The following DGKB variants were observed in gnomAD, a reference collection of about 807,000 sequenced individuals.
DGKB encodes the protein diacylglycerol kinase beta, also known as 90 kDa diacylglycerol kinase.
A neutral mutation model predicts 114.3 loss-of-function variants in DGKB; 67 were observed. The observed-to-expected ratio is 0.59, with a 90% CI of 0.48 to 0.72. The LOEUF (loss-of-function observed/expected upper bound fraction) is 0.72, where lower values mean the gene tolerates loss of function less well. Among genes scored for constraint, DGKB ranks in the 30% least tolerant of loss-of-function variants. The pLI, the probability that DGKB is intolerant of heterozygous loss-of-function variation, is 0.00. For missense variants in DGKB, 907 were observed against 975.2 expected, an observed-to-expected ratio of 0.93 and a Z score of 0.93; for synonymous variants, 398 against 323.1, an observed-to-expected ratio of 1.23 and a Z score of -2.49.
chr7:14,713,974 G>C lies in DGKB; in HGVS notation c.466+4568C>G, dbSNP rs138761871. On this transcript the variant is annotated intron_variant, in intron 6 of 25. Coordinates refer to ENST00000402815, the MANE Select transcript of DGKB (RefSeq NM_001350709.2). ...GTATTATTCAATATCTTAAATAGTT[G>C]ATGTTATTTTTATATTTTCAAGCAC... Among the ~76,000 whole-genome samples the C allele has an allele frequency of 3.0e-3, 451 of 151,578 alleles. 3 individuals are homozygous for C. Among genetic ancestry groups the C allele is most frequent in the Middle Eastern group, 0.021 (6 of 292 alleles).
chr7:14,920,412 T>C (rs912331483), intron 1 of DGKB, among the ~76,000 whole-genome samples: 1 of 152,136 alleles, frequency 6.6e-6, no homozygotes, highest in African/African-American at 2.4e-5. Context: ...ACATCATATG[T>C]TATTAGGTAA....
intron 20 of DGKB, among the ~76,000 whole-genome samples, chr7:14,527,272 C>A (rs1790801955): frequency 6.6e-6 from 1 of 152,034 alleles, no homozygotes; most frequent in Non-Finnish European, 1.5e-5. Context: ...GGAAACAGTT[C>A]ATGGGTTGGC....
At chr7:14,906,484 C>T (rs1335612911), upstream of DGKB, among the ~76,000 whole-genome samples, 8 of 119,088 alleles carry the variant, frequency 6.7e-5, no homozygotes, top group East Asian at 1.5e-3. Flanking sequence ...GATGGAGTCT[C>T]GCTCTATTGC....
chr7:14,314,623 G>A (rs1165215372), intron 23 of DGKB, among the ~76,000 whole-genome samples: 5 of 152,106 alleles, frequency 3.3e-5, no homozygotes, highest in Non-Finnish European at 4.4e-5. Flanking sequence ...CAAGAACTAC[G>A]GGACTATGTG....
At chr7:14,955,153 G>A (rs1444126394) in intron 1 of DGKB, among the ~76,000 whole-genome samples, 1 of 151,914 alleles carries the variant, frequency 6.6e-6, no homozygotes, top group South Asian at 2.1e-4. Flanking sequence ...AATAAAATTA[G>A]GAGATAAATG....
chr7:14,570,779 T>G (rs1292622374), intron 20 of DGKB, among the ~76,000 whole-genome samples: 1 of 151,684 alleles, frequency 6.6e-6, no homozygotes, highest in African/African-American at 2.4e-5. Context: ...GCAAAATAGG[T>G]GGAGAAGGTA....
chr7:14,671,062 G>A (rs1307993161), intron 13 of DGKB, among the ~76,000 whole-genome samples: 3 of 152,140 alleles, frequency 2.0e-5, no homozygotes, highest in Non-Finnish European at 2.9e-5. Flanking sequence ...GGTCCTGCAG[G>A]TGGCAGTTCT....
At chr7:14,528,995 G>T (rs919019237) in intron 20 of DGKB, among the ~76,000 whole-genome samples, 1 of 152,042 alleles carries the variant, frequency 6.6e-6, no homozygotes, top group Non-Finnish European at 1.5e-5. Context: ...CCCAATCAAG[G>T]GGGTAGTTTA....
At chr7:14,713,229 A>AT in intron 6 of DGKB, among the ~76,000 whole-genome samples, 1 of 152,140 alleles carries the variant, frequency 6.6e-6, no homozygotes, top group Non-Finnish European at 1.5e-5. Context: ...TTTCATAATG[A>AT]ATATATCCTA....
intron 2 of DGKB, among the ~76,000 whole-genome samples, chr7:14,793,427 T>C (rs963751607): frequency 6.6e-6 from 1 of 152,136 alleles, no homozygotes; most frequent in Admixed American, 6.5e-5. Flanking sequence ...CTCCTTTCTA[T>C]TTCCTGAAAG....
intron 1 of DGKB, among the ~76,000 whole-genome samples, chr7:14,847,836 A>C (rs902711827): frequency 6.6e-6 from 1 of 152,240 alleles, no homozygotes; most frequent in Non-Finnish European, 1.5e-5. Flanking sequence ...AAGATTAAAA[A>C]CATCCTGAGC....
chr7:14,594,920 T>C (rs1802304417), intron 17 of DGKB, among the ~76,000 whole-genome samples: 1 of 152,098 alleles, frequency 6.6e-6, no homozygotes, highest in African/African-American at 2.4e-5. Flanking sequence ...ACTGCAACTA[T>C]GTACTAGGAA....
chr7:14,260,547 TC>T (rs1796619050), intron 23 of DGKB, among the ~76,000 whole-genome samples: 3 of 152,210 alleles, frequency 2.0e-5, no homozygotes, highest in Non-Finnish European at 4.4e-5. Context: ...GCATTTTTAA[TC>T]CTTTAAATAA....
intron 1 of DGKB, among the ~76,000 whole-genome samples, chr7:14,956,547 T>A (rs1786516539): frequency 6.6e-6 from 1 of 152,064 alleles, no homozygotes; most frequent in Admixed American, 6.6e-5. Flanking sequence ...AACTGCTAAT[T>A]AATTTCCTTT....
In DGKB at chr7:14,786,498, C is replaced by T. The variant is rs989542512; in HGVS notation, c.71-28767G>A. Among the ~76,000 whole-genome samples, 3 of 152,200 alleles carry T rather than the reference C, an allele frequency of 2.0e-5. No homozygotes were observed. The South Asian group carries it at 6.2e-4, about 32-fold the overall frequency. On this transcript the variant is annotated intron_variant, in intron 2 of 25. Transcript: ENST00000402815. Reference sequence around the variant, plus strand: ...CTGCAGTGGGGAGGCATGGCCAGGGCTGTGTATTCCCTGGAGCCGGGGGGA... The same window carrying T: ...CTGCAGTGGGGAGGCATGGCCAGGGTTGTGTATTCCCTGGAGCCGGGGGGA...
At chr7:14,570,661 G>C (rs190023327) in intron 20 of DGKB, among the ~76,000 whole-genome samples, 1 of 152,112 alleles carries the variant, frequency 6.6e-6, no homozygotes, top group East Asian at 1.9e-4. Context: ...TTCATTAACT[G>C]GAAGTTGATC....
intron 1 of DGKB, among the ~76,000 whole-genome samples, chr7:14,935,032 T>C (rs1356342400): frequency 6.6e-6 from 1 of 152,184 alleles, no homozygotes; most frequent in Non-Finnish European, 1.5e-5. Context: ...TGAGTATTAC[T>C]GTACAGGAAA....
At chr7:14,345,265 C>T (rs1812293953) in intron 22 of DGKB, 36 bp downstream of exon 22, 1 of 1,217,916 alleles carries the variant, frequency 8.2e-7, no homozygotes, top group Non-Finnish European at 1.2e-6. Flanking sequence ...CAAGCCATTT[C>T]ATCATATTAC....
At chr7:14,241,939 TATATACACACACACATATACACAC>T (rs1324049512) in intron 23 of DGKB, among the ~76,000 whole-genome samples, 1 of 81,384 alleles carries the variant, frequency 1.2e-5, no homozygotes, top group Admixed American at 1.4e-4. Context: ...CACATATAGA[TATATACACACACACATATACACAC>T]ACACACACAC....
Sources: gnomAD v4.1 joint callset for allele counts (sites outside exome capture counted in the v4.1 genomes callset) on GRCh38, gnomAD v4.1.1 for gene constraint, MANE v1.5 for transcripts, NCBI Gene and HGNC (gene_info 2026-07-23, HGNC 2026-07-21) for gene names.